The following NHSL1 variants were observed in gnomAD, a reference collection of about 807,000 sequenced individuals.
NHSL1 encodes the protein NHS-like protein 1.
Under a neutral mutation model 95.0 loss-of-function variants are expected in NHSL1, and 48 were observed. That is an observed-to-expected ratio of 0.51 (90% confidence interval 0.40 to 0.64). NHSL1 has a LOEUF of 0.64. NHSL1 is among the 30% of genes least tolerant of loss of function. NHSL1 has a pLI of 0.00. For missense variants in NHSL1, 1,971 were observed against 2,077.7 expected (o/e 0.95, Z 1.00); for synonymous variants, 783 against 833.9 (o/e 0.94, Z 1.05).
chr6:138,482,318 T>C (rs564508040), intron 2 of NHSL1, among the ~76,000 whole-genome samples: 12 of 151,806 alleles, frequency 7.9e-5, no homozygotes, highest in South Asian at 2.1e-4. Context: ...TGGTGGCGGG[T>C]GCCTGTAGTC....
chr6:138,543,959 C>T (rs967741745), intron 1 of NHSL1, among the ~76,000 whole-genome samples: 2 of 152,050 alleles, frequency 1.3e-5, no homozygotes, highest in South Asian at 2.1e-4. Flanking sequence ...ACATGCCATA[C>T]GTTTGAGTTT....
intron 1 of NHSL1, among the ~76,000 whole-genome samples, chr6:138,618,772 C>G (rs1784615414): frequency 6.6e-6 from 1 of 152,186 alleles, no homozygotes; most frequent in Non-Finnish European, 1.5e-5. Context: ...ACCGAGTGAT[C>G]TGCCTACTGG....
chr6:138,542,823 G>A (rs1484816238), intron 1 of NHSL1, among the ~76,000 whole-genome samples: 1 of 152,140 alleles, frequency 6.6e-6, no homozygotes, highest in Non-Finnish European at 1.5e-5. Flanking sequence ...GAGTGCAGGG[G>A]CACAATCATG....
intron 1 of NHSL1, among the ~76,000 whole-genome samples, chr6:138,631,266 T>C (rs1583458218): frequency 6.6e-6 from 1 of 152,152 alleles, no homozygotes; most frequent in African/African-American, 2.4e-5. Context: ...GGGCTCACCA[T>C]AAACGTTAAG....
chr6:138,461,008 T>A (rs1777962750), intron 3 of NHSL1, among the ~76,000 whole-genome samples: 1 of 151,962 alleles, frequency 6.6e-6, no homozygotes, highest in Non-Finnish European at 1.5e-5. Context: ...TCAAAGGTGT[T>A]TCAAAAATTG....
At chr6:138,534,514 A>G (rs1024324329) in intron 1 of NHSL1, among the ~76,000 whole-genome samples, 2 of 152,214 alleles carry the variant, frequency 1.3e-5, no homozygotes, top group Admixed American at 1.3e-4. Flanking sequence ...CATAGAATTC[A>G]TCACACATCA....
intron 1 of NHSL1, among the ~76,000 whole-genome samples, chr6:138,512,660 C>T (rs1450288310): frequency 4.0e-5 from 6 of 151,884 alleles, no homozygotes; most frequent in South Asian, 2.1e-4. Context: ...TCAATGGCAA[C>T]GTGAATGCTT....
chr6:138,457,666 C>T (rs891733853), intron 3 of NHSL1, among the ~76,000 whole-genome samples: 2 of 152,136 alleles, frequency 1.3e-5, no homozygotes, highest in African/African-American at 4.8e-5. Context: ...ACACACCCCT[C>T]CCCTCAACAC....
At chr6:138,625,723 C>T (rs77330947) in intron 1 of NHSL1, among the ~76,000 whole-genome samples, 6,934 of 151,832 alleles carry the variant, frequency 0.046, 226 homozygotes, top group South Asian at 0.075. Context: ...ACCTCACTGC[C>T]GCCTAAAACT....
chr6:138,481,939 C>T (rs982726315), intron 2 of NHSL1, among the ~76,000 whole-genome samples: 26 of 152,206 alleles, frequency 1.7e-4, no homozygotes, highest in East Asian at 7.7e-4. Context: ...ATGTCTTTAA[C>T]GAGTAAGCCC....
Position 138,433,461 on chromosome 6 carries a change from G to A in NHSL1, c.884C>T (p.Ser295Leu). 4.5e-6 allele frequency: 7 copies of A among 1,552,284 alleles called. No individual in the cohort carries two copies. Among genetic ancestry groups the A allele is most frequent in the Non-Finnish European group, 6.1e-6 (7 of 1,147,116 alleles). The change falls in exon 6 of 8, where the codon TCA becomes TTA. Residue 295 changes from serine (S) to leucine (L), a missense_variant. By Grantham distance (145) the Ser-to-Leu change is moderately radical. Coordinates refer to ENST00000343505, the MANE Select transcript of NHSL1 (RefSeq NM_001144060.2). ...CACAGACATGTTGCCAGAGGAACCT[G>A]AGAAGTGGCCCATCTGGGCAGCAAT... Reference protein sequence around the residue: ...QGIAAQMGHFSGSSGNMSVLS... With the variant: ...QGIAAQMGHFLGSSGNMSVLS...
upstream of NHSL1, among the ~76,000 whole-genome samples, chr6:138,549,138 C>T (rs906599221): frequency 6.6e-6 from 1 of 152,060 alleles, no homozygotes; most frequent in African/African-American, 2.4e-5. Flanking sequence ...AATCCCAGCG[C>T]TTTAGGAGGC....
upstream of NHSL1, among the ~76,000 whole-genome samples, chr6:138,546,930 G>A (rs1465153689): frequency 6.6e-6 from 1 of 152,192 alleles, no homozygotes; most frequent in African/African-American, 2.4e-5. Context: ...GGAGCACCCT[G>A]CTTGAAAAGT....
rs559298004 is a variant in NHSL1, at chr6:138,612,317, C to T, written c.96+80159G>A. Among the ~76,000 whole-genome samples, 98 of 152,164 alleles carry T rather than the reference C, an allele frequency of 6.4e-4. No homozygotes were observed. In the South Asian group the frequency reaches 0.018, roughly 28 times the overall value. On this transcript the variant is annotated intron_variant, in intron 1 of 3. Transcript: ENST00000491526. ...ATGTACAGAAACACTAATACAAGAA[C>T]TGCGTAATTTTAATACCCAAAAAAC... is the stretch of plus-strand genomic sequence containing the variant.
At chr6:138,676,758 G>C (rs1260617951) in intron 1 of NHSL1, among the ~76,000 whole-genome samples, 1 of 152,158 alleles carries the variant, frequency 6.6e-6, no homozygotes. Context: ...GGGTTCAAGT[G>C]ATTCTCCTGC....
chr6:138,571,357 C>A (rs952912266), intron 1 of NHSL1, among the ~76,000 whole-genome samples: 1 of 152,064 alleles, frequency 6.6e-6, no homozygotes, highest in Non-Finnish European at 1.5e-5. Context: ...ACGTTCTAGC[C>A]CCAGATTGCT....
chr6:138,692,126 A>C lies in NHSL1; in HGVS notation c.96+350T>G, dbSNP rs10223712. ...TTCCAACAGGCTACCTGCCTGTGAC[A>C]GTTTTCCCACGAACTTGGCTCTCCT... On this transcript the variant is annotated intron_variant, in intron 1 of 3. Coordinates refer to the NHSL1 transcript ENST00000491526. The surrounding 1 kb of genome is among the most constrained non-coding windows in gnomAD (Gnocchi z 4.0). 0.17 allele frequency: 75,905 copies of C among 456,356 alleles called. 8,843 individuals carry two copies. The highest frequency in any genetic ancestry group is 0.43 in the African/African-American group (21,589 of 49,998). 28.3% of individuals were successfully genotyped at this position (456,356 alleles called of 1,614,324 possible). A position where few individuals can be genotyped will look rare whatever the true frequency, so the allele number is the denominator to read the frequency against.
upstream of NHSL1, among the ~76,000 whole-genome samples, chr6:138,693,175 T>C (rs1196390719): frequency 6.6e-6 from 1 of 150,460 alleles, no homozygotes; most frequent in East Asian, 2.0e-4. This position sits in a 1 kb window ranked among gnomAD's most constrained non-coding sequence, Gnocchi z 4.3. Flanking sequence ...TCCCTCCGGA[T>C]TGGAGAGGGA....
intron 1 of NHSL1, among the ~76,000 whole-genome samples, chr6:138,587,216 G>A (rs1337252458): frequency 7.3e-5 from 11 of 150,906 alleles, no homozygotes; most frequent in African/African-American, 1.5e-4. Flanking sequence ...CAGGCGATCC[G>A]CCCACCTCAG....
Sources: allele counts gnomAD v4.1 joint callset (sites outside exome capture counted in the v4.1 genomes callset), GRCh38; gene constraint gnomAD v4.1.1; non-coding constraint Gnocchi (gnomAD v3.1); transcripts MANE v1.5; gene names NCBI Gene and HGNC (gene_info 2026-07-23, HGNC 2026-07-21).